The following MAGI2 variants were observed in gnomAD, a reference collection of about 807,000 sequenced individuals.
MAGI2 encodes membrane-associated guanylate kinase, WW and PDZ domain-containing protein 2.
In MAGI2, 35 loss-of-function variants were observed where a neutral mutation model predicts 133.3. The observed-to-expected ratio is 0.26, with a 90% CI of 0.20 to 0.35. The LOEUF is 0.35. Among genes scored for constraint, MAGI2 ranks in the 10% least tolerant of loss-of-function variants. MAGI2 has a pLI of 1.00. For missense variants in MAGI2, 1,636 were observed against 1,863.4 expected (o/e 0.88, Z 2.25); for synonymous variants, 729 against 710.6 (o/e 1.03, Z -0.41).
intron 3 of MAGI2, among the ~76,000 whole-genome samples, chr7:78,563,051 G>A (rs368275235): frequency 4.0e-5 from 6 of 149,974 alleles, no homozygotes; most frequent in African/African-American, 1.2e-4. Flanking sequence ...CAGAAAGTTC[G>A]CCTGCTGACA....
intron 1 of MAGI2, among the ~76,000 whole-genome samples, chr7:79,223,015 GCTGGGACTACAGGCACCC>G (rs1415039731): frequency 6.6e-6 from 1 of 151,986 alleles, no homozygotes; most frequent in Non-Finnish European, 1.5e-5. Flanking sequence ...CTCCCGAGTA[GCTGGGACTACAGGCACCC>G]GCTACCGCTC....
intron 1 of MAGI2, among the ~76,000 whole-genome samples, chr7:79,098,758 G>A (rs1029713527): frequency 1.3e-5 from 2 of 152,170 alleles, no homozygotes; most frequent in Non-Finnish European, 2.9e-5. Context: ...TCAAAAATCT[G>A]TCTGGCAGCC....
intron 1 of MAGI2, among the ~76,000 whole-genome samples, chr7:79,047,005 G>C (rs1812236055): frequency 6.6e-6 from 1 of 152,098 alleles, no homozygotes; most frequent in Non-Finnish European, 1.5e-5. Flanking sequence ...AAATTTTACA[G>C]TTTCAAGTGT....
intron 3 of MAGI2, among the ~76,000 whole-genome samples, chr7:78,620,629 G>C: frequency 6.6e-6 from 1 of 151,978 alleles, no homozygotes; most frequent in Middle Eastern, 3.4e-3. Context: ...TAGGGTCCAC[G>C]ATTATAAGAA....
At chr7:78,783,432 G>C (rs80027867) in intron 2 of MAGI2, among the ~76,000 whole-genome samples, 2 of 152,136 alleles carry the variant, frequency 1.3e-5, no homozygotes, top group Admixed American at 1.3e-4. Context: ...AAATGTGTCA[G>C]TCTGAAGGTG....
At chr7:78,491,665 T>C (rs1017354807) in intron 5 of MAGI2, among the ~76,000 whole-genome samples, 32 of 152,044 alleles carry the variant, frequency 2.1e-4, no homozygotes, top group Admixed American at 6.6e-5. Flanking sequence ...ATATAAAATA[T>C]TGCAGACACT....
chr7:78,719,624 A>G (rs1820064850), intron 2 of MAGI2, among the ~76,000 whole-genome samples: 1 of 152,238 alleles, frequency 6.6e-6, no homozygotes, highest in African/African-American at 2.4e-5. Context: ...TTTTACTTTC[A>G]ACGACAAAGG....
At chr7:78,521,369 A>C (rs950985391) in intron 4 of MAGI2, 61 bp downstream of exon 4, 7 of 1,205,202 alleles carry the variant, frequency 5.8e-6, no homozygotes, top group Non-Finnish European at 8.6e-6. Flanking sequence ...ATATGTGTAC[A>C]TATATATCTT....
intron 2 of MAGI2, among the ~76,000 whole-genome samples, chr7:78,856,319 C>T (rs1274557856): frequency 6.6e-6 from 1 of 152,138 alleles, no homozygotes; most frequent in Non-Finnish European, 1.5e-5. Context: ...GACATGAAGT[C>T]CTTGCACATG....
chr7:78,597,437 A>G (rs1804733727), intron 3 of MAGI2, among the ~76,000 whole-genome samples: 2 of 152,046 alleles, frequency 1.3e-5, no homozygotes, highest in South Asian at 4.1e-4. Flanking sequence ...ATCCAGACTA[A>G]CTTGAAATAC....
chr7:79,160,427 A>G (rs557855016), intron 1 of MAGI2, among the ~76,000 whole-genome samples: 1 of 152,214 alleles, frequency 6.6e-6, no homozygotes, highest in South Asian at 2.1e-4. Context: ...AGCAACTGTC[A>G]AAAACCAAAT....
intron 15 of MAGI2, among the ~76,000 whole-genome samples, chr7:78,166,182 T>TC (rs1364800165): frequency 6.6e-6 from 1 of 152,200 alleles, no homozygotes; most frequent in Non-Finnish European, 1.5e-5. Context: ...GGTACACACT[T>TC]CAACAGCTCG....
At chr7:78,260,253 G>A (rs749305874) in intron 9 of MAGI2, among the ~76,000 whole-genome samples, 1 of 152,182 alleles carries the variant, frequency 6.6e-6, no homozygotes, top group Non-Finnish European at 1.5e-5. Context: ...CTGTATGAAT[G>A]TCATTTACAT....
chr7:79,425,233 C>A (rs909523249), intron 1 of MAGI2, among the ~76,000 whole-genome samples: 14 of 147,632 alleles, frequency 9.5e-5, no homozygotes, highest in Non-Finnish European at 5.9e-5. Flanking sequence ...GCCTGGGCGA[C>A]AGAGCGAGAC....
chr7:79,153,710 C>G (rs569814008), intron 1 of MAGI2, among the ~76,000 whole-genome samples: 1 of 152,278 alleles, frequency 6.6e-6, no homozygotes, highest in Non-Finnish European at 1.5e-5. Context: ...GGGTTTTTAT[C>G]ACAAGAGTTA....
intron 2 of MAGI2, among the ~76,000 whole-genome samples, chr7:78,829,978 T>C (rs1170238523): frequency 6.6e-6 from 1 of 152,086 alleles, no homozygotes; most frequent in Admixed American, 6.5e-5. Flanking sequence ...CTATAGACTA[T>C]AGGAAATTGT....
intron 2 of MAGI2, among the ~76,000 whole-genome samples, chr7:78,922,527 AT>A (rs1385952672): frequency 6.6e-6 from 1 of 151,668 alleles, no homozygotes; most frequent in African/African-American, 2.4e-5. Flanking sequence ...TGAACTCATC[AT>A]TTTTTATGGC....
At chr7:79,094,248 C>G (rs1371670441) in intron 1 of MAGI2, among the ~76,000 whole-genome samples, 4 of 152,220 alleles carry the variant, frequency 2.6e-5, no homozygotes, top group Non-Finnish European at 5.9e-5. Flanking sequence ...GAATCCATCT[C>G]AAGAAGCCAC....
At chr7:79,039,847 CATATATATTATATAT>C (rs905936556) in intron 1 of MAGI2, among the ~76,000 whole-genome samples, 1 of 140,420 alleles carries the variant, frequency 7.1e-6, no homozygotes, top group African/African-American at 2.6e-5. Context: ...ATTATATATA[CATATATATTATATAT>C]ATATAATATA....
Sources: allele counts gnomAD v4.1 joint callset (sites outside exome capture counted in the v4.1 genomes callset), GRCh38; gene constraint gnomAD v4.1.1; transcripts MANE v1.5; gene names NCBI Gene and HGNC (gene_info 2026-07-23, HGNC 2026-07-21).